Variants in ASH1L observed in about 807,000 individuals in gnomAD.
ASH1L encodes the protein ASH1 like histone lysine methyltransferase.
ASH1L carries 23 observed loss-of-function variants against 269.0 expected under a neutral mutation model. The observed-to-expected ratio is 0.09, with a 90% CI of 0.06 to 0.12. The LOEUF is 0.12. Ranked by LOEUF, ASH1L falls within the 10% of genes least tolerant of loss-of-function variation. The pLI, the probability that ASH1L is intolerant of heterozygous loss-of-function variation, is 1.00. For missense variants in ASH1L, 2,912 were observed against 3,567.8 expected (o/e 0.82, Z 4.68); for synonymous variants, 1,187 against 1,253.5 (o/e 0.95, Z 1.12).
At position 155,481,186 on chromosome 1, in the gene ASH1L, C is replaced by T. The variant is rs1665934042; in HGVS notation, c.1684G>A (p.Val562Ile). Reference sequence around the variant, plus strand: ...CTTCTGGTTAAAGGATTAACAGATACAGTAGGTGATGGGGAAGGGAGATTG... The same window carrying T: ...CTTCTGGTTAAAGGATTAACAGATATAGTAGGTGATGGGGAAGGGAGATTG... ...ESNLPSPSPT[V>I]SVNPLTRSPP... is the part of the protein sequence containing the mutation. Residue 562 changes from valine to isoleucine, a missense_variant, in exon 3 of 28, where the codon GTA becomes ATA. Physicochemically the swap from Val to Ile is conservative, Grantham distance 29 (BLOSUM62 3). Transcript: ENST00000392403. 1.9e-6 allele frequency: 3 copies of T among 1,613,882 alleles called. No homozygotes were observed. The highest frequency in any genetic ancestry group is 1.1e-5 in the South Asian group (1 of 91,084).
At chr1:155,490,614 TCACACACACA>T (rs144278501) in intron 2 of ASH1L, among the ~76,000 whole-genome samples, 12 of 142,398 alleles carry the variant, frequency 8.4e-5, no homozygotes, top group Middle Eastern at 7.0e-3. Flanking sequence ...CCAGACTACG[TCACACACACA>T]CACACACACA....
rs1381351552 is a variant in ASH1L at position 155,481,533 on chromosome 1, T to A, written c.1337A>T (p.Asn446Ile). Residue 446 changes from asparagine (N) to isoleucine (I), a missense_variant, in exon 3 of 28, where the codon AAT becomes ATT. By Grantham distance (149) the Asn-to-Ile change is moderately radical. Around this residue, in one of 13 missense-constraint regions of ASH1L, gnomAD observed 715 missense variants for 721.0 expected, o/e 0.99. Transcript: ENST00000392403. ...TTCAGAAAGTTCCTGACTTTCCTGA[T>A]TATTGATGTTTGTACTACAAGAAGC... ...LKASCSTNIN[N>I]QESQELSESL... 6.2e-7 allele frequency: 1 copy of A among 1,614,190 alleles called. No homozygotes were observed. Among genetic ancestry groups the A allele is most frequent in the Non-Finnish European group, 8.5e-7 (1 of 1,180,020 alleles).
At chr1:155,387,344 T>C (rs1252533216) in intron 7 of ASH1L, among the ~76,000 whole-genome samples, 1 of 152,206 alleles carries the variant, frequency 6.6e-6, no homozygotes, top group Non-Finnish European at 1.5e-5. Context: ...TTCAACCTTC[T>C]GCATATGGCT....
intron 4 of ASH1L, among the ~76,000 whole-genome samples, chr1:155,446,091 C>A (rs548195725): frequency 1.6e-4 from 24 of 147,050 alleles, no homozygotes; most frequent in Admixed American, 3.4e-4. Context: ...ACCATGTTGG[C>A]CAGGCTGGTC....
chr1:155,498,047 C>A (rs959578651), intron 2 of ASH1L, among the ~76,000 whole-genome samples: 7 of 151,952 alleles, frequency 4.6e-5, no homozygotes, highest in African/African-American at 1.7e-4. Flanking sequence ...CCACCACGCC[C>A]GGCCAAAAGA....
intron 2 of ASH1L, among the ~76,000 whole-genome samples, 180 bp from the exon 3 acceptor site, chr1:155,482,629 G>C (rs1418594379): frequency 6.6e-6 from 1 of 152,106 alleles, no homozygotes; most frequent in Non-Finnish European, 1.5e-5. Context: ...TGCTATACGA[G>C]AGGCTATCAT....
chr1:155,406,659 C>G (rs1659316977), intron 6 of ASH1L, among the ~76,000 whole-genome samples: 1 of 152,060 alleles, frequency 6.6e-6, no homozygotes, highest in Non-Finnish European at 1.5e-5. Context: ...GCTGTTTGTG[C>G]CACTATACTC....
In ASH1L at chr1:155,352,818, T is replaced by A; in HGVS notation, c.7254A>T (p.Arg2418=). 6.2e-7 allele frequency: 1 copy of A among 1,613,832 alleles called. No homozygotes were observed. The highest frequency in any genetic ancestry group is 8.5e-7 in the Non-Finnish European group (1 of 1,179,918). The change falls in exon 17 of 28, where the codon CGA becomes CGT. Residue 2418 remains arginine, a synonymous_variant. Transcript: ENST00000392403. ...CTGCCAACCGTCTTGTTCGAACAGA[T>A]CGAGCTGTCTGCAGGGCAGAGAACT... ...MTQFSALQTA[R]SVRTRRLAAA...
chr1:155,456,400 C>T (rs1046465167), intron 4 of ASH1L, among the ~76,000 whole-genome samples: 13 of 152,222 alleles, frequency 8.5e-5, no homozygotes, highest in Admixed American at 7.2e-4. Flanking sequence ...TGATCGAACT[C>T]TTCTTGATCT....
chr1:155,409,070 G>C (rs1003748841), intron 6 of ASH1L, among the ~76,000 whole-genome samples: 2 of 151,952 alleles, frequency 1.3e-5, no homozygotes, highest in African/African-American at 4.8e-5. Context: ...TGTCGCCCAG[G>C]CTGGAGTTCA....
At chr1:155,517,544 G>A (rs1433653164) in intron 2 of ASH1L, among the ~76,000 whole-genome samples, 1 of 151,894 alleles carries the variant, frequency 6.6e-6, no homozygotes, top group Non-Finnish European at 1.5e-5. Context: ...GAGGCAGGAG[G>A]CAGGAGAATC....
At chr1:155,546,985 G>T (rs544547484) in intron 1 of ASH1L, among the ~76,000 whole-genome samples, 29 of 107,596 alleles carry the variant, frequency 2.7e-4, no homozygotes, top group African/African-American at 1.1e-3. Flanking sequence ...ATGGAGACTC[G>T]CTCTGTCACC....
intron 6 of ASH1L, among the ~76,000 whole-genome samples, chr1:155,396,608 G>A (rs555636754): frequency 6.6e-6 from 1 of 152,078 alleles, no homozygotes; most frequent in Non-Finnish European, 1.5e-5. Flanking sequence ...ACTGTGCCTG[G>A]CCTAAAGTTC....
chr1:155,536,097 T>A (rs1670038915), intron 1 of ASH1L, among the ~76,000 whole-genome samples: 1 of 152,222 alleles, frequency 6.6e-6, no homozygotes, highest in African/African-American at 2.4e-5. Context: ...AACCATCATA[T>A]TTCTTAGGAT....
chr1:155,447,511 T>C (rs1663128414), intron 4 of ASH1L, among the ~76,000 whole-genome samples: 1 of 152,008 alleles, frequency 6.6e-6, no homozygotes, highest in Non-Finnish European at 1.5e-5. Context: ...ATTACAGGAG[T>C]GAACCACCAC....
chr1:155,392,660 T>C (rs955561785), intron 7 of ASH1L, among the ~76,000 whole-genome samples: 1 of 152,064 alleles, frequency 6.6e-6, no homozygotes, highest in Non-Finnish European at 1.5e-5. Context: ...AGCTAATTTT[T>C]GTATTTTTAG....
intron 5 of ASH1L, among the ~76,000 whole-genome samples, chr1:155,428,059 C>A (rs952183991): frequency 2.0e-5 from 3 of 152,156 alleles, no homozygotes; most frequent in Non-Finnish European, 4.4e-5. Context: ...TACTATACAG[C>A]CTGCAGGACC....
chr1:155,413,194 C>G (rs1659938094), intron 6 of ASH1L, among the ~76,000 whole-genome samples: 1 of 151,874 alleles, frequency 6.6e-6, no homozygotes, highest in East Asian at 1.9e-4. Flanking sequence ...TCCTTAACAG[C>G]TATTAACACC....
chr1:155,446,623 T>C (rs992986140), intron 4 of ASH1L, among the ~76,000 whole-genome samples: 2 of 150,826 alleles, frequency 1.3e-5, no homozygotes, highest in Admixed American at 6.6e-5. Context: ...TTTTTTTTTT[T>C]TTCTTTTTTT....
Sources: allele counts gnomAD v4.1 joint callset (sites outside exome capture counted in the v4.1 genomes callset), GRCh38; gene constraint gnomAD v4.1.1; regional missense constraint gnomAD v4.1.1; transcripts MANE v1.5; gene names NCBI Gene and HGNC (gene_info 2026-07-23, HGNC 2026-07-21).